Variants in MACROD2 observed in about 807,000 individuals in gnomAD.
MACROD2 encodes mono-ADP ribosylhydrolase 2.
In MACROD2, 36 loss-of-function variants were observed where a neutral mutation model predicts 70.4. That is an observed-to-expected ratio of 0.51 (90% CI 0.39 to 0.68). The LOEUF (loss-of-function observed/expected upper bound fraction) is 0.68, where lower values mean the gene tolerates loss of function less well. Ranked by LOEUF, MACROD2 falls within the 30% of genes least tolerant of loss-of-function variation. The pLI, the probability that MACROD2 is intolerant of heterozygous loss-of-function variation, is 0.00. For missense variants in MACROD2, 496 were observed against 538.4 expected, an observed-to-expected ratio of 0.92 and a Z score of 0.78; for synonymous variants, 172 against 178.8, an observed-to-expected ratio of 0.96 and a Z score of 0.30.
At chr20:14,050,108 C>T (rs1297864230) in intron 2 of MACROD2, among the ~76,000 whole-genome samples, 1 of 151,128 alleles carries the variant, frequency 6.6e-6, no homozygotes, top group Non-Finnish European at 1.5e-5. Flanking sequence ...AAAAAAAGCT[C>T]CAAACTGCCT....
chr20:15,439,253 C>T (rs934580581), intron 7 of MACROD2, among the ~76,000 whole-genome samples: 3 of 152,174 alleles, frequency 2.0e-5, no homozygotes, highest in East Asian at 3.9e-4. Flanking sequence ...CCATTTCTCA[C>T]ACACCTGTTT....
At chr20:15,790,409 T>G (rs2147054771) in intron 8 of MACROD2, among the ~76,000 whole-genome samples, 1 of 152,002 alleles carries the variant, frequency 6.6e-6, no homozygotes, top group South Asian at 2.1e-4. Flanking sequence ...GAAATGAGAA[T>G]TAAAGGTATA....
intron 5 of MACROD2, among the ~76,000 whole-genome samples, chr20:15,068,059 A>T (rs1172416851): frequency 6.6e-6 from 1 of 152,180 alleles, no homozygotes; most frequent in South Asian, 2.1e-4. Context: ...TTTTTAAATA[A>T]CAAAAGTTAA....
chr20:14,016,992 CTACT>C (rs750789799), intron 2 of MACROD2, among the ~76,000 whole-genome samples: 11 of 152,206 alleles, frequency 7.2e-5, no homozygotes, highest in East Asian at 5.8e-4. Flanking sequence ...CGATGTCTTT[CTACT>C]TACTTATGTT....
At chr20:14,939,743 A>T (rs548202425) in intron 5 of MACROD2, among the ~76,000 whole-genome samples, 62 of 152,048 alleles carry the variant, frequency 4.1e-4, no homozygotes, top group Non-Finnish European at 7.1e-4. Context: ...TTTATATTTA[A>T]TTCTTTCCCT....
At chr20:15,398,427 A>G (rs1302958811) in intron 6 of MACROD2, among the ~76,000 whole-genome samples, 1 of 152,100 alleles carries the variant, frequency 6.6e-6, no homozygotes, top group Non-Finnish European at 1.5e-5. Context: ...AAATTAGGCT[A>G]CTCTCTATGG....
chr20:15,325,388 C>G (rs1335524263), intron 6 of MACROD2, among the ~76,000 whole-genome samples: 25 of 152,152 alleles, frequency 1.6e-4, no homozygotes, highest in Non-Finnish European at 4.4e-5. Flanking sequence ...TTGTTCACAG[C>G]TTGTAACATT....
intron 4 of MACROD2, among the ~76,000 whole-genome samples, chr20:14,583,361 C>G (rs1285971620): frequency 6.6e-6 from 1 of 152,194 alleles, no homozygotes; most frequent in Non-Finnish European, 1.5e-5. Context: ...TCCCCAGCCT[C>G]TCATCATTTA....
intron 8 of MACROD2, among the ~76,000 whole-genome samples, chr20:15,550,547 T>C (rs1351839354): frequency 2.6e-5 from 4 of 152,192 alleles, no homozygotes; most frequent in African/African-American, 7.2e-5. Context: ...ATTGTATCAC[T>C]TTTTTATTCC....
intron 5 of MACROD2, among the ~76,000 whole-genome samples, chr20:14,956,887 A>G (rs2074541440): frequency 1.3e-5 from 2 of 152,186 alleles, no homozygotes; most frequent in African/African-American, 4.8e-5. Flanking sequence ...GACTCACTAC[A>G]TGAATACACG....
At chr20:15,674,673 C>T (rs904907143) in intron 8 of MACROD2, among the ~76,000 whole-genome samples, 1 of 151,968 alleles carries the variant, frequency 6.6e-6, no homozygotes, top group African/African-American at 2.4e-5. Context: ...TCTGCATCCT[C>T]GCATGGTAGG....
At chr20:14,347,243 G>A (rs1005693812) in intron 3 of MACROD2, among the ~76,000 whole-genome samples, 3 of 152,164 alleles carry the variant, frequency 2.0e-5, no homozygotes, top group Admixed American at 1.3e-4. Context: ...CAGTTACTAT[G>A]GTGGTAAGTG....
chr20:15,176,541 C>T (rs541870247), intron 5 of MACROD2, among the ~76,000 whole-genome samples: 24 of 152,118 alleles, frequency 1.6e-4, no homozygotes, highest in Admixed American at 1.1e-3. Flanking sequence ...CTACGAGTCT[C>T]CTCTCTGCTG....
chr20:14,064,677 C>G (rs2148657615), intron 2 of MACROD2, among the ~76,000 whole-genome samples: 1 of 152,294 alleles, frequency 6.6e-6, no homozygotes, highest in African/African-American at 2.4e-5. Flanking sequence ...CCTCAGAGAT[C>G]TGTGTTTCCA....
intron 5 of MACROD2, among the ~76,000 whole-genome samples, chr20:14,887,226 G>A (rs182800552): frequency 6.6e-6 from 1 of 152,086 alleles, no homozygotes; most frequent in Admixed American, 6.5e-5. Flanking sequence ...CTAATGCTAG[G>A]GATGGAGATG....
At chr20:15,612,404 A>G (rs1224421212) in intron 8 of MACROD2, among the ~76,000 whole-genome samples, 1 of 152,228 alleles carries the variant, frequency 6.6e-6, no homozygotes, top group Non-Finnish European at 1.5e-5. Flanking sequence ...CTAACTTTGC[A>G]TAATGCACAT....
At chr20:15,191,931 T>TAGAGAGAG (rs10638417) in intron 5 of MACROD2, among the ~76,000 whole-genome samples, 43,197 of 142,058 alleles carry the variant, frequency 0.3, 7,412 homozygotes, top group East Asian at 0.5. Context: ...TATATATATA[T>TAGAGAGAG]AGAGAGAGAG....
At chr20:15,081,759 G>A (rs2075705413) in intron 5 of MACROD2, among the ~76,000 whole-genome samples, 1 of 152,058 alleles carries the variant, frequency 6.6e-6, no homozygotes, top group Non-Finnish European at 1.5e-5. Context: ...TTAAAAAATG[G>A]CACATTCCAA....
intron 5 of MACROD2, among the ~76,000 whole-genome samples, chr20:14,707,366 A>G (rs990816031): frequency 9.2e-5 from 14 of 152,120 alleles, no homozygotes; most frequent in African/African-American, 3.1e-4. Flanking sequence ...TTTTTTTTAC[A>G]TAAATATTAC....
Sources: allele counts gnomAD v4.1 joint callset (sites outside exome capture counted in the v4.1 genomes callset), GRCh38; gene constraint gnomAD v4.1.1; transcripts MANE v1.5; gene names NCBI Gene and HGNC (gene_info 2026-07-23, HGNC 2026-07-21).